RORB: variants seen among roughly 807,000 people sequenced by gnomAD.
The protein encoded by RORB is RAR related orphan receptor B, also known as nuclear receptor ROR-beta.
In RORB, 6 loss-of-function variants were observed where a neutral mutation model predicts 59.1. That is an observed-to-expected ratio of 0.10 (90% CI 0.06 to 0.20). RORB has a LOEUF of 0.20. RORB is among the 10% of genes least tolerant of loss of function. The pLI is 1.00. For missense variants in RORB, 320 were observed against 560.5 expected (o/e 0.57, Z 4.33); for synonymous variants, 215 against 204.5 (o/e 1.05, Z -0.44).
intron 1 of RORB, among the ~76,000 whole-genome samples, chr9:74,591,159 G>T (rs1418021543): frequency 2.6e-5 from 4 of 152,202 alleles, no homozygotes; most frequent in African/African-American, 9.7e-5. Context: ...TAACGATGAA[G>T]ATCCCTTCTT....
At chr9:74,556,526 A>G (rs9987652) in intron 1 of RORB, among the ~76,000 whole-genome samples, 88,241 of 151,958 alleles carry the variant, frequency 0.58, 26,504 homozygotes, top group African/African-American at 0.72. Context: ...ACAGCGACCA[A>G]GCAGATTGTT....
rs986760644 is a variant in RORB at position 74,691,721 on chromosome 9, T to C, written c.*6103T>C. 5 of 152,150 alleles carry C rather than the reference T, an allele frequency of 3.3e-5. No homozygotes were observed. Among genetic ancestry groups the C allele is most frequent in the African/African-American group, 1.2e-4 (5 of 41,444 alleles). The allele number at this position is 152,150 out of a possible 1,614,324, so 9.4% of individuals were successfully genotyped here. A position where few individuals can be genotyped will look rare whatever the true frequency, so the allele number is the denominator to read the frequency against. On this transcript the variant is annotated 3_prime_UTR_variant, in exon 10 of 10. Coordinates refer to ENST00000376896, the MANE Select transcript of RORB (RefSeq NM_006914.4). ...AGGGGGAAAATCAACAAAGAGCAAA[T>C]ATGTACTTGCTTCCTTTCTGCGTGT...
At chr9:74,570,989 T>C (rs947229667) in intron 1 of RORB, among the ~76,000 whole-genome samples, 1 of 151,246 alleles carries the variant, frequency 6.6e-6, no homozygotes, top group Non-Finnish European at 1.5e-5. Flanking sequence ...AATTATATTA[T>C]AATTAAATGA....
chr9:74,654,982 C>G (rs554824275), intron 4 of RORB, among the ~76,000 whole-genome samples: 25 of 152,314 alleles, frequency 1.6e-4, no homozygotes, highest in Admixed American at 1.4e-3. Context: ...ACCTGCAATA[C>G]ACACCCAATT....
At chr9:74,608,691 G>GT (rs11387256) in intron 1 of RORB, among the ~76,000 whole-genome samples, 119,079 of 152,034 alleles carry the variant, frequency 0.78, 47,157 homozygotes, top group East Asian at 0.93. Flanking sequence ...ACTGTGAATG[G>GT]TTTTTATAAC....
chr9:74,543,553 GT>G (rs1412243760), intron 1 of RORB, among the ~76,000 whole-genome samples: 1 of 152,098 alleles, frequency 6.6e-6, no homozygotes, highest in African/African-American at 2.4e-5. Context: ...TCATGAGGCT[GT>G]TTTCAAAAGA....
At chr9:74,543,692 C>T (rs1289139845) in intron 1 of RORB, among the ~76,000 whole-genome samples, 1 of 151,980 alleles carries the variant, frequency 6.6e-6, no homozygotes, top group Admixed American at 6.5e-5. Flanking sequence ...CAAATGAAAA[C>T]AAATTGAGTC....
At chr9:74,652,626 T>A (rs1484546189) in intron 4 of RORB, among the ~76,000 whole-genome samples, 1 of 152,202 alleles carries the variant, frequency 6.6e-6, no homozygotes, top group African/African-American at 2.4e-5. Flanking sequence ...TGTCAACATA[T>A]TTTTTCTGAA....
rs1476395543 is a variant in RORB at position 74,691,561 on chromosome 9, T to C, written c.*5943T>C. The C allele has an allele frequency of 6.6e-6, 1 of 152,218 alleles. No individual in the cohort carries two copies. The highest frequency in any genetic ancestry group is 1.5e-5 in the Non-Finnish European group (1 of 68,052). The allele number at this position is 152,218 out of a possible 1,614,324, so 9.4% of individuals were successfully genotyped here. On this transcript the variant is annotated 3_prime_UTR_variant, in exon 10 of 10. Transcript: ENST00000376896. ...ATATTTTTTCAAATGTAATTACTTT[T>C]AATATATGCTTGTGGAAGGTCTAAT...
intron 1 of RORB, among the ~76,000 whole-genome samples, chr9:74,527,895 A>C (rs1031744275): frequency 1.3e-5 from 2 of 152,010 alleles, no homozygotes; most frequent in Non-Finnish European, 2.9e-5. Context: ...GACTTCATGC[A>C]CTTGAAGATA....
intron 7 of RORB, among the ~76,000 whole-genome samples, chr9:74,666,469 A>G (rs1012600549): frequency 6.6e-6 from 1 of 151,896 alleles, no homozygotes; most frequent in South Asian, 2.1e-4. Flanking sequence ...AAAAAAAAAA[A>G]AGGAAAGAAA....
chr9:74,634,587 C>T (rs1237418034), intron 2 of RORB, 44 bp from the exon 3 acceptor site: 11 of 1,532,752 alleles, frequency 7.2e-6, no homozygotes, highest in African/African-American at 2.8e-5. Flanking sequence ...CTCTGTTTCC[C>T]TTCTTATAAA....
intron 1 of RORB, among the ~76,000 whole-genome samples, chr9:74,611,442 G>A (rs749421022): frequency 6.6e-6 from 1 of 152,198 alleles, no homozygotes; most frequent in Non-Finnish European, 1.5e-5. Flanking sequence ...AAAGAGGCAA[G>A]TGTTTTTCTT....
At chr9:74,527,309 A>T (rs1826168794) in intron 1 of RORB, among the ~76,000 whole-genome samples, 2 of 151,986 alleles carry the variant, frequency 1.3e-5, no homozygotes, top group Non-Finnish European at 2.9e-5. Flanking sequence ...TTCATTCTTA[A>T]GTATTTACTG....
intron 1 of RORB, among the ~76,000 whole-genome samples, chr9:74,531,117 C>A (rs1378567171): frequency 6.6e-6 from 1 of 151,892 alleles, no homozygotes; most frequent in Non-Finnish European, 1.5e-5. Context: ...GCCTTCAATA[C>A]CTGAGAACAT....
At chr9:74,560,775 A>G (rs1822385716) in intron 1 of RORB, among the ~76,000 whole-genome samples, 1 of 152,076 alleles carries the variant, frequency 6.6e-6, no homozygotes, top group African/African-American at 2.4e-5. Flanking sequence ...TTGTAGTTTC[A>G]TAATTACTTG....
At chr9:74,673,265 C>T (rs1337025684) in intron 9 of RORB, among the ~76,000 whole-genome samples, 3 of 152,116 alleles carry the variant, frequency 2.0e-5, no homozygotes, top group Non-Finnish European at 1.5e-5. Context: ...TGCATAAATA[C>T]ATCTTGTTAA....
intron 1 of RORB, among the ~76,000 whole-genome samples, chr9:74,626,450 GA>G (rs1469812391): frequency 6.6e-6 from 1 of 151,998 alleles, no homozygotes; most frequent in African/African-American, 2.4e-5. Flanking sequence ...ATTACCAATA[GA>G]AAAATATAAG....
At chr9:74,504,667 G>A (rs1026566910) in intron 1 of RORB, among the ~76,000 whole-genome samples, 1 of 151,940 alleles carries the variant, frequency 6.6e-6, no homozygotes, top group African/African-American at 2.4e-5. Flanking sequence ...AGGAATCACG[G>A]ACATCAGTAA....
Sources: allele counts gnomAD v4.1 joint callset (sites outside exome capture counted in the v4.1 genomes callset), GRCh38; gene constraint gnomAD v4.1.1; transcripts MANE v1.5; gene names NCBI Gene and HGNC (gene_info 2026-07-23, HGNC 2026-07-21).